PPFIA2: variants seen among roughly 807,000 people sequenced by gnomAD.
The protein encoded by PPFIA2 is PPFI scaffold protein A2.
A neutral mutation model predicts 175.5 loss-of-function variants in PPFIA2; 46 were observed. The observed-to-expected ratio is 0.26, with a 90% CI of 0.21 to 0.34. The LOEUF is 0.34. Ranked by LOEUF, PPFIA2 falls within the 10% of genes least tolerant of loss-of-function variation. The pLI is 1.00. For synonymous variants in PPFIA2, 568 were observed against 511.4 expected (o/e 1.11, Z -1.49); for missense variants, 1,179 against 1,506.1 (o/e 0.78, Z 3.60).
Position 81,325,609 on chromosome 12 carries a change from G to T in PPFIA2, c.2642+168C>A, listed in dbSNP as rs7977858. Among the ~76,000 whole-genome samples, 1,372 of 152,170 alleles carry T rather than the reference G, an allele frequency of 9.0e-3. 26 individuals carry two copies. The highest frequency in any genetic ancestry group is 0.031 in the African/African-American group (1,283 of 41,538). On this transcript the variant is annotated intron_variant, in intron 22 of 32. Transcript: ENST00000549396. Reference sequence around the variant, plus strand: ...TATTTTTATACTCTTTTAAACAGTAGCTCATTATAACCAGGAAACATAAGC... The same window carrying T: ...TATTTTTATACTCTTTTAAACAGTATCTCATTATAACCAGGAAACATAAGC...
chr12:81,662,740 C>T lies in PPFIA2; in HGVS notation c.303+14051G>A, dbSNP rs77676657. Among the ~76,000 whole-genome samples, 79 of 152,088 alleles carry T rather than the reference C, an allele frequency of 5.2e-4. 1 individual carries two copies. The South Asian group carries it at 0.012, about 24-fold the overall frequency. On this transcript the variant is annotated intron_variant, in intron 4 of 32. Transcript: ENST00000549396. ...TCCTGATACCAAAGCCTGGCAGAGACACAACAAAAAAAAGAGAATTTTCAA... is the reference window on the plus strand; with the variant it reads ...TCCTGATACCAAAGCCTGGCAGAGATACAACAAAAAAAAGAGAATTTTCAA...
intron 2 of PPFIA2, among the ~76,000 whole-genome samples, chr12:81,756,959 G>A (rs116650179): frequency 2.8e-3 from 427 of 152,114 alleles, no homozygotes; most frequent in African/African-American, 9.8e-3. Context: ...CAACCCAAAT[G>A]AGTAAATCCA....
intron 3 of PPFIA2, among the ~76,000 whole-genome samples, chr12:81,739,801 T>C (rs927516603): frequency 6.6e-6 from 1 of 152,126 alleles, no homozygotes; most frequent in Non-Finnish European, 1.5e-5. Flanking sequence ...TCTAATCACA[T>C]AAATTCCTAA....
intron 5 of PPFIA2, among the ~76,000 whole-genome samples, chr12:81,446,637 A>G (rs1050852836): frequency 6.6e-6 from 1 of 152,240 alleles, no homozygotes; most frequent in Admixed American, 6.5e-5. Context: ...AGTGAAAAGC[A>G]TAGGCTAACA....
intron 4 of PPFIA2, among the ~76,000 whole-genome samples, chr12:81,665,072 G>A (rs193200207): frequency 2.5e-4 from 38 of 152,024 alleles, no homozygotes; most frequent in Admixed American, 1.6e-3. Flanking sequence ...AGCATTAGGA[G>A]ATATACCTAA....
intron 4 of PPFIA2, among the ~76,000 whole-genome samples, chr12:81,543,431 G>A (rs575259529): frequency 6.6e-6 from 1 of 152,002 alleles, no homozygotes; most frequent in African/African-American, 2.4e-5. Context: ...AAATAAAGTA[G>A]TATTGTATTA....
At chr12:81,555,067 G>A (rs898262587) in intron 4 of PPFIA2, among the ~76,000 whole-genome samples, 5 of 151,896 alleles carry the variant, frequency 3.3e-5, no homozygotes, top group East Asian at 1.9e-4. Context: ...CTCTAAATAC[G>A]ACACACAGTT....
chr12:81,471,643 A>C (rs1036062027), intron 4 of PPFIA2, among the ~76,000 whole-genome samples: 1 of 151,846 alleles, frequency 6.6e-6, no homozygotes, highest in South Asian at 2.1e-4. Context: ...TGATTTTAAT[A>C]TCTTTGGTTA....
intron 4 of PPFIA2, among the ~76,000 whole-genome samples, chr12:81,462,570 G>GTATATATATATA (rs1254816940): frequency 1.3e-5 from 1 of 74,178 alleles, no homozygotes; most frequent in African/African-American, 5.5e-5. Flanking sequence ...ATATATATGT[G>GTATATATATATA]TATATATATA....
At chr12:81,460,315 T>C (rs759656003) in intron 4 of PPFIA2, among the ~76,000 whole-genome samples, 2 of 152,152 alleles carry the variant, frequency 1.3e-5, no homozygotes, top group Non-Finnish European at 2.9e-5. Flanking sequence ...GCTGCCATCA[T>C]GTAAGAAGTG....
At chr12:81,383,921 T>C in intron 9 of PPFIA2, 102 bp downstream of exon 9, 2 of 916,772 alleles carry the variant, frequency 2.2e-6, no homozygotes, top group Non-Finnish European at 3.3e-6. Flanking sequence ...GTATGGTCTT[T>C]TGAGAAGTAA....
At chr12:81,632,418 T>A (rs919781464) in intron 4 of PPFIA2, among the ~76,000 whole-genome samples, 1 of 152,070 alleles carries the variant, frequency 6.6e-6, no homozygotes, top group African/African-American at 2.4e-5. Flanking sequence ...AATATATATA[T>A]GTTGTAGATA....
intron 14 of PPFIA2, among the ~76,000 whole-genome samples, chr12:81,365,647 T>C (rs1462126414): frequency 6.6e-6 from 1 of 151,730 alleles, no homozygotes; most frequent in African/African-American, 2.4e-5. Flanking sequence ...ATTTTCTTTG[T>C]GCCGTTGCAG....
intron 3 of PPFIA2, among the ~76,000 whole-genome samples, chr12:81,734,209 C>T (rs1393175466): frequency 6.6e-6 from 1 of 151,768 alleles, no homozygotes; most frequent in Non-Finnish European, 1.5e-5. Flanking sequence ...CCAGGTGAAC[C>T]TCTTCAAACA....
intron 4 of PPFIA2, among the ~76,000 whole-genome samples, chr12:81,494,312 A>T (rs1280498123): frequency 6.6e-6 from 1 of 152,178 alleles, no homozygotes; most frequent in African/African-American, 2.4e-5. Context: ...TCAAAAGAAG[A>T]CATTTATGCA....
At position 81,374,622 on chromosome 12, in the gene PPFIA2, C is replaced by T. The variant is rs1305894251; in HGVS notation, c.1266+12G>A. On this transcript the variant is annotated intron_variant, in intron 11 of 32. Coordinates refer to ENST00000549396, the MANE Select transcript of PPFIA2 (RefSeq NM_003625.5). The stretch of plus-strand genomic sequence containing the variant: ...AATATATCTAGGTTGACCAGTTGTT[C>T]TAGTGCAGTACCTTGGTTAGGGCTG... The T allele has an allele frequency of 1.2e-6, 2 of 1,600,998 alleles. No individual in the cohort carries two copies. Among genetic ancestry groups the T allele is most frequent in the Non-Finnish European group, 1.7e-6 (2 of 1,174,598 alleles).
chr12:81,581,723 AAACAAAACG>A (rs965881110), intron 4 of PPFIA2, among the ~76,000 whole-genome samples: 5 of 44,860 alleles, frequency 1.1e-4, no homozygotes, highest in African/African-American at 2.8e-4. Flanking sequence ...AAACAAAACA[AAACAAAACG>A]AACAAACAAA....
intron 4 of PPFIA2, among the ~76,000 whole-genome samples, chr12:81,508,445 C>T (rs1326252956): frequency 1.4e-5 from 2 of 138,956 alleles, no homozygotes; most frequent in African/African-American, 5.4e-5. Flanking sequence ...CACTTGAACC[C>T]AGGAGGCGGA....
intron 4 of PPFIA2, among the ~76,000 whole-genome samples, chr12:81,609,622 A>G (rs1410156131): frequency 1.3e-5 from 2 of 152,014 alleles, no homozygotes; most frequent in African/African-American, 2.4e-5. Context: ...TTCCATTTGC[A>G]TGGTAGATCT....
Sources: allele counts gnomAD v4.1 joint callset (sites outside exome capture counted in the v4.1 genomes callset), GRCh38; gene constraint gnomAD v4.1.1; transcripts MANE v1.5; gene names NCBI Gene and HGNC (gene_info 2026-07-23, HGNC 2026-07-21).